Variants in CNPY1 observed in about 807,000 individuals in gnomAD.
CNPY1 encodes protein canopy homolog 1.
CNPY1 carries 14 observed loss-of-function variants against 14.4 expected under a neutral mutation model. The ratio of observed to expected loss-of-function variants is 0.97; its 90% CI spans 0.64 to 1.52. The LOEUF is 1.52. Ranked by LOEUF, CNPY1 falls within the 40% of genes most tolerant of loss-of-function variation. The probability of loss-of-function intolerance (pLI) is 0.00; values close to 1 mark genes in which losing one functional copy is unlikely to be tolerated. For synonymous variants in CNPY1, 43 were observed against 46.5 expected, an observed-to-expected ratio of 0.92 and a Z score of 0.31; for missense variants, 129 against 131.5, an observed-to-expected ratio of 0.98 and a Z score of 0.09.
intron 2 of CNPY1, chr7:155,533,620 G>C (rs893511034): frequency 2.0e-5 from 3 of 152,236 alleles, no homozygotes; most frequent in Non-Finnish European, 1.5e-5. Flanking sequence ...GAGGGGAAAA[G>C]CGGGTATCAA....
At chr7:155,545,398 G>A (rs1010961936) in intron 2 of CNPY1, among the ~76,000 whole-genome samples, 20 of 152,242 alleles carry the variant, frequency 1.3e-4, no homozygotes, top group Admixed American at 7.8e-4. Flanking sequence ...CCAACTGTCC[G>A]GTCTATTCCA....
chr7:155,510,508 C>T (rs955647629), intron 2 of CNPY1: 2 of 152,226 alleles, frequency 1.3e-5, no homozygotes, highest in Non-Finnish European at 2.9e-5. Context: ...CCCCACGACT[C>T]GGCTGGAGCT....
chr7:155,517,563 T>A (rs143361370), intron 2 of CNPY1, among the ~76,000 whole-genome samples: 1 of 152,106 alleles, frequency 6.6e-6, no homozygotes, highest in African/African-American at 2.4e-5. Context: ...CTGGACACCA[T>A]GCAGAGGCGG....
chr7:155,528,728 T>TA (rs763897868), intron 2 of CNPY1, among the ~76,000 whole-genome samples: 7 of 152,164 alleles, frequency 4.6e-5, no homozygotes, highest in Non-Finnish European at 7.4e-5. Context: ...CCTGTTCTGT[T>TA]AGAGACCTGG....
intron 2 of CNPY1, among the ~76,000 whole-genome samples, chr7:155,545,182 C>G (rs1797143713): frequency 6.6e-6 from 1 of 152,212 alleles, no homozygotes; most frequent in Non-Finnish European, 1.5e-5. Context: ...GAACACCTTT[C>G]TAATAATATT....
Position 155,521,115 on chromosome 7 carries a change from C to T in CNPY1, c.100-12018G>A, listed in dbSNP as rs1796715529. ...GGAAGGAAGGAAGGAAGGCTGGCTC[C>T]CCTCCCCTCAGAAGCTCCTGAAGAG... On this transcript the variant is annotated intron_variant, in intron 2 of 4. Coordinates refer to ENST00000636446, the MANE Select transcript of CNPY1 (RefSeq NM_001393663.1). 2.0e-5 allele frequency among the ~76,000 whole-genome samples: 3 copies of T among 147,322 alleles called. No homozygotes were observed. In the Admixed American group the frequency reaches 2.1e-4, roughly 10 times the overall value.
At chr7:155,524,754 C>T (rs1404606927) in intron 2 of CNPY1, among the ~76,000 whole-genome samples, 1 of 152,104 alleles carries the variant, frequency 6.6e-6, no homozygotes, top group African/African-American at 2.4e-5. Flanking sequence ...AAATATAATG[C>T]ACTTGAATCA....
intron 2 of CNPY1, among the ~76,000 whole-genome samples, chr7:155,543,665 G>T (rs534539632): frequency 3.3e-4 from 51 of 152,254 alleles, no homozygotes; most frequent in South Asian, 2.7e-3. Context: ...CACACCCACC[G>T]CCAGGCCATG....
chr7:155,543,204 G>A (rs573351800), intron 2 of CNPY1, among the ~76,000 whole-genome samples: 15 of 152,282 alleles, frequency 9.9e-5, no homozygotes, highest in South Asian at 4.1e-4. Flanking sequence ...CAGCCGGGCC[G>A]GGCTGGGAAC....
intron 3 of CNPY1, among the ~76,000 whole-genome samples, chr7:155,508,159 C>T (rs1796392921): frequency 6.6e-6 from 1 of 152,234 alleles, no homozygotes; most frequent in South Asian, 2.1e-4. Flanking sequence ...GACTGCCCAT[C>T]ACTTTGTCTG....
intron 2 of CNPY1, among the ~76,000 whole-genome samples, chr7:155,537,534 C>T (rs1797038073): frequency 6.6e-6 from 1 of 151,846 alleles, no homozygotes. Context: ...AGTGATTCTC[C>T]TGCCTCAGCC....
At chr7:155,520,278 T>C (rs1796693032) in intron 2 of CNPY1, among the ~76,000 whole-genome samples, 1 of 152,138 alleles carries the variant, frequency 6.6e-6, no homozygotes, top group African/African-American at 2.4e-5. Context: ...TCCTCTCCAC[T>C]TGGAGGCGAG....
At position 155,508,887 on chromosome 7, in the gene CNPY1, A is replaced by C; in HGVS notation, c.303+7T>G. On this transcript the variant is annotated splice_region_variant and intron_variant, in intron 3 of 4. Coordinates refer to ENST00000636446, the MANE Select transcript of CNPY1 (RefSeq NM_001393663.1). ...CATACGATTCATCTGCAAGGAAGAG[A>C]GCTTACCGCAAATTTCAAAGGTCTG... 6.2e-7 allele frequency: 1 copy of C among 1,612,992 alleles called. No individual in the cohort carries two copies. Among genetic ancestry groups the C allele is most frequent in the Non-Finnish European group, 8.5e-7 (1 of 1,179,780 alleles).
intron 3 of CNPY1, among the ~76,000 whole-genome samples, chr7:155,508,416 T>G (rs1015186035): frequency 6.6e-6 from 1 of 152,238 alleles, no homozygotes; most frequent in Non-Finnish European, 1.5e-5. Context: ...TCACTCTCCC[T>G]CTGTCATTTG....
intron 4 of CNPY1, among the ~76,000 whole-genome samples, chr7:155,505,071 G>A (rs970990381): frequency 5.9e-5 from 9 of 152,102 alleles, no homozygotes; most frequent in South Asian, 2.1e-4. Flanking sequence ...CCTTGTTATC[G>A]TGCTATTAAC....
chr7:155,506,667 C>T (rs1796322121), intron 4 of CNPY1: 1 of 209,254 alleles, frequency 4.8e-6, no homozygotes, highest in Non-Finnish European at 9.5e-6. Context: ...GTCTCCTTCC[C>T]TGGTCCAGGA....
chr7:155,543,473 G>A lies in CNPY1; in HGVS notation c.99+2358C>T, dbSNP rs1014776173. On this transcript the variant is annotated intron_variant, in intron 2 of 4. Transcript: ENST00000636446. ...GAATTTGGCCAAGTAGCCTGCTGAC[G>A]GAAGAAAACAATGCCACAGGAATGT... Among the ~76,000 whole-genome samples the A allele has an allele frequency of 6.6e-5, 10 of 152,292 alleles. No individual in the cohort carries two copies. The East Asian group carries it at 7.7e-4, about 12-fold the overall frequency.
chr7:155,532,527 A>C (rs964924550), intron 2 of CNPY1, among the ~76,000 whole-genome samples: 1 of 152,112 alleles, frequency 6.6e-6, no homozygotes, highest in Non-Finnish European at 1.5e-5. Flanking sequence ...AGGCTGAGGC[A>C]GGAGAATGGC....
At chr7:155,523,055 G>A (rs1796754002) in intron 2 of CNPY1, among the ~76,000 whole-genome samples, 1 of 152,148 alleles carries the variant, frequency 6.6e-6, no homozygotes, top group African/African-American at 2.4e-5. Flanking sequence ...CCGATTTGTG[G>A]ATTCAAACAA....
Sources: gnomAD v4.1 joint callset for allele counts (sites outside exome capture counted in the v4.1 genomes callset) on GRCh38, gnomAD v4.1.1 for gene constraint, MANE v1.5 for transcripts, NCBI Gene and HGNC (gene_info 2026-07-23, HGNC 2026-07-21) for gene names.